The following USP9Y variants were observed in gnomAD, a reference collection of about 807,000 sequenced individuals.
USP9Y encodes ubiquitin carboxyl-terminal hydrolase 9Y.
USP9Y carries 41 observed loss-of-function variants against 53.1 expected under a neutral mutation model. The ratio of observed to expected loss-of-function variants is 0.77; its 90% CI spans 0.60 to 1.00. USP9Y has a LOEUF of 1.00. Among genes scored for constraint, USP9Y ranks in the 50% least tolerant of loss-of-function variants. USP9Y has a pLI of 0.00. For missense variants in USP9Y, 567 were observed against 535.8 expected (o/e 1.06, Z -0.58); for synonymous variants, 220 against 173.7 (o/e 1.27, Z -2.09).
chrY:12,709,691 A>G, intron 3 of USP9Y, 148 bp downstream of exon 3: 1 of 165,809 alleles, frequency 6.0e-6, no homozygotes, highest in Non-Finnish European at 1.2e-5. Context: ...GGTAGCTCAT[A>G]CTTGTAATCC....
At chrY:12,856,287 A>G in intron 42 of USP9Y, 53 bp from the exon 43 acceptor site, 1 of 347,236 alleles carries the variant, frequency 2.9e-6, no homozygotes, top group Non-Finnish European at 4.2e-6. Flanking sequence ...TTAGGAACTC[A>G]AATGTTAGCT....
rs1603202607 is a variant in USP9Y, at chrY:12,826,510, A to G, written c.5022-7178A>G. Among the ~76,000 whole-genome samples, 3 of 29,093 alleles carry G rather than the reference A, an allele frequency of 1.0e-4. No individual in the cohort carries two copies. In the East Asian group the frequency reaches 2.8e-3, roughly 27 times the overall value. 78.1% of individuals were successfully genotyped at this position (29,093 alleles called of 37,273 possible). A position where few individuals can be genotyped will look rare whatever the true frequency, so the allele number is the denominator to read the frequency against. On this transcript the variant is annotated intron_variant, in intron 33 of 45. Transcript: ENST00000338981. ...AAGGGAAGAGGATTGCTTGAACCCA[A>G]TAAGTTGAGGCTGTGGTGAGCTGTG... is the stretch of plus-strand genomic sequence containing the variant.
At chrY:12,852,438 C>G (rs926575324) in intron 42 of USP9Y, among the ~76,000 whole-genome samples, 2 of 33,024 alleles carry the variant, frequency 6.1e-5, no homozygotes, top group Non-Finnish European at 1.5e-4. Context: ...AGGTTTTTAG[C>G]TTCCTTGCGA....
At chrY:12,814,821 C>A in intron 31 of USP9Y, among the ~76,000 whole-genome samples, 1 of 33,514 alleles carries the variant, frequency 3.0e-5, no homozygotes, top group African/African-American at 1.2e-4. Flanking sequence ...TTTTTAGCTA[C>A]ATAACTTGCA....
At chrY:12,727,718 C>G in intron 7 of USP9Y, among the ~76,000 whole-genome samples, 1 of 33,345 alleles carries the variant, frequency 3.0e-5, no homozygotes, top group Admixed American at 2.7e-4. Context: ...TGTGCTCACA[C>G]ACACACACAC....
At chrY:12,745,028 C>T in intron 12 of USP9Y, among the ~76,000 whole-genome samples, 1 of 33,539 alleles carries the variant, frequency 3.0e-5, no homozygotes, top group African/African-American at 1.2e-4. Flanking sequence ...GGTTAGTTTA[C>T]AGGAATAAGC....
chrY:12,807,120 ATTC>A (rs2053525242), intron 27 of USP9Y, among the ~76,000 whole-genome samples: 5 of 29,613 alleles, frequency 1.7e-4, no homozygotes, highest in South Asian at 7.9e-4. Flanking sequence ...ACTTTTTCAA[ATTC>A]TTCTTTTTTT....
Position 12,859,977 on chromosome Y carries a change from A to G in USP9Y, c.*561A>G. 1 of 35,198 alleles carries G rather than the reference A, an allele frequency of 2.8e-5. No individual in the cohort carries two copies. The highest frequency in any genetic ancestry group is 7.0e-5 in the Non-Finnish European group (1 of 14,340). The allele number at this position is 35,198 out of a possible 400,897, so 8.8% of individuals were successfully genotyped here. Reference sequence around the variant, plus strand: ...AGTGTAACATTTCTAGATACTTTTCATTACCTTTTTATTCTGGTATATAGG... The same window carrying G: ...AGTGTAACATTTCTAGATACTTTTCGTTACCTTTTTATTCTGGTATATAGG... On this transcript the variant is annotated 3_prime_UTR_variant, in exon 46 of 46. Transcript: ENST00000338981.
intron 34 of USP9Y, among the ~76,000 whole-genome samples, chrY:12,835,913 T>A (rs2053555104): frequency 5.9e-5 from 2 of 33,765 alleles, no homozygotes; most frequent in Non-Finnish European, 1.5e-4. Flanking sequence ...TAATCTGTGA[T>A]GCTGACTCAG....
intron 26 of USP9Y, among the ~76,000 whole-genome samples, chrY:12,792,582 C>T (rs2053509488): frequency 2.9e-5 from 1 of 34,298 alleles, no homozygotes; most frequent in Non-Finnish European, 7.3e-5. Flanking sequence ...CTGTTCCAAA[C>T]GTACAAGTCT....
chrY:12,827,875 C>A (rs1603202695), intron 33 of USP9Y, among the ~76,000 whole-genome samples: 3 of 32,226 alleles, frequency 9.3e-5, no homozygotes, highest in Non-Finnish European at 2.3e-4. Context: ...GCAGGAGAAT[C>A]GATTGAAGCC....
intron 15 of USP9Y, among the ~76,000 whole-genome samples, chrY:12,761,878 T>C (rs1041041695): frequency 5.9e-5 from 2 of 33,958 alleles, no homozygotes; most frequent in Non-Finnish European, 1.5e-4. Flanking sequence ...ATGCTTCCTT[T>C]TAAAGTCACA....
chrY:12,778,543 G>T, intron 20 of USP9Y, 63 bp from the exon 21 acceptor site: 1 of 360,980 alleles, frequency 2.8e-6, no homozygotes, highest in Non-Finnish European at 4.0e-6. Context: ...AATGTATCTA[G>T]TTCCCATTAC....
intron 25 of USP9Y, among the ~76,000 whole-genome samples, chrY:12,791,027 A>G: frequency 3.0e-5 from 1 of 33,267 alleles, no homozygotes. Flanking sequence ...GTTACTCCAC[A>G]TGTTGCTAAT....
chrY:12,853,086 G>A (rs1216220573), intron 42 of USP9Y, among the ~76,000 whole-genome samples: 6 of 34,076 alleles, frequency 1.8e-4, no homozygotes, highest in Non-Finnish European at 3.7e-4. Flanking sequence ...AGACAGGGAT[G>A]TTTAAGTCTG....
At chrY:12,728,501 T>G in intron 7 of USP9Y, among the ~76,000 whole-genome samples, 1 of 32,164 alleles carries the variant, frequency 3.1e-5, no homozygotes, top group South Asian at 7.1e-4. Flanking sequence ...TGTTTGGGCT[T>G]TTCTTTATGG....
chrY:12,758,353 A>G, intron 13 of USP9Y, among the ~76,000 whole-genome samples, 153 bp from the exon 14 acceptor site: 1 of 33,869 alleles, frequency 3.0e-5, no homozygotes. Context: ...ATATATTTAG[A>G]GCATTTTGTT....
intron 24 of USP9Y, among the ~76,000 whole-genome samples, chrY:12,787,809 G>A (rs765502567): frequency 1.8e-3 from 59 of 32,934 alleles, no homozygotes; most frequent in South Asian, 8.2e-3. Context: ...AAAAAAGGTA[G>A]GGTTCTTATT....
intron 34 of USP9Y, among the ~76,000 whole-genome samples, chrY:12,837,052 A>T: frequency 3.0e-5 from 1 of 32,811 alleles, no homozygotes; most frequent in Non-Finnish European, 7.5e-5. Flanking sequence ...CACACATGTA[A>T]TCCTAGCATT....
Sources: gnomAD v4.1 joint callset for allele counts (sites outside exome capture counted in the v4.1 genomes callset) on GRCh38, gnomAD v4.1.1 for gene constraint, MANE v1.5 for transcripts, NCBI Gene and HGNC (gene_info 2026-07-23, HGNC 2026-07-21) for gene names.